ADGRL4: variants seen among roughly 807,000 people sequenced by gnomAD.
ADGRL4 encodes the protein adhesion G protein-coupled receptor L4.
In ADGRL4, 90 loss-of-function variants were observed where a neutral mutation model predicts 74.8. That is an observed-to-expected ratio of 1.20 (90% CI 1.02 to 1.43). The LOEUF (loss-of-function observed/expected upper bound fraction) is 1.43. Among genes scored for constraint, ADGRL4 ranks in the 40% most tolerant of loss-of-function variants. ADGRL4 has a pLI of 0.00. For missense variants in ADGRL4, 881 were observed against 814.3 expected (o/e 1.08, Z -1.00); for synonymous variants, 311 against 279.2 (o/e 1.11, Z -1.14).
intron 3 of ADGRL4, among the ~76,000 whole-genome samples, chr1:78,940,642 A>C (rs1172062039): frequency 6.6e-6 from 1 of 152,176 alleles, no homozygotes; most frequent in Non-Finnish European, 1.5e-5. Context: ...TTGACGTCTT[A>C]AAGATACTTT....
At chr1:78,988,463 A>G (rs1273463131) in intron 2 of ADGRL4, among the ~76,000 whole-genome samples, 1 of 151,908 alleles carries the variant, frequency 6.6e-6, no homozygotes, top group African/African-American at 2.4e-5. Flanking sequence ...GCAATGAGCA[A>G]ATATTAGATC....
At chr1:78,910,431 T>A (rs765063033) in intron 12 of ADGRL4, among the ~76,000 whole-genome samples, 1 of 151,850 alleles carries the variant, frequency 6.6e-6, no homozygotes, top group Non-Finnish European at 1.5e-5. Context: ...CACATAATTA[T>A]GAGAGTTTTG....
intron 2 of ADGRL4, among the ~76,000 whole-genome samples, chr1:78,981,090 T>G (rs2100726171): frequency 6.6e-6 from 1 of 151,962 alleles, no homozygotes; most frequent in East Asian, 1.9e-4. Flanking sequence ...CTCTCAGAAT[T>G]TTTGTGAAAG....
At chr1:78,953,822 C>T (rs1422515371) in intron 2 of ADGRL4, among the ~76,000 whole-genome samples, 1 of 152,182 alleles carries the variant, frequency 6.6e-6, no homozygotes, top group African/African-American at 2.4e-5. Flanking sequence ...TTATGACTCT[C>T]ATAGGATACA....
chr1:78,923,880 G>A (rs1480029370), intron 8 of ADGRL4, among the ~76,000 whole-genome samples: 1 of 151,882 alleles, frequency 6.6e-6, no homozygotes, highest in Non-Finnish European at 1.5e-5. Flanking sequence ...CAGAAAAAGA[G>A]AGCAGAGATA....
At chr1:78,955,468 CTTGT>C (rs1316365257) in intron 2 of ADGRL4, among the ~76,000 whole-genome samples, 1 of 151,926 alleles carries the variant, frequency 6.6e-6, no homozygotes, top group Non-Finnish European at 1.5e-5. Context: ...CTTTTCCTTT[CTTGT>C]TTATGATCTT....
Position 78,985,721 on chromosome 1 carries a change from C to T in ADGRL4, c.172+19349G>A, listed in dbSNP as rs529642072. ...GACATGTGAAAGACATACATGCATGCGTATGTTTATCATAGCACTATTCAC... is the reference window on the plus strand; with the variant it reads ...GACATGTGAAAGACATACATGCATGTGTATGTTTATCATAGCACTATTCAC... On this transcript the variant is annotated intron_variant, in intron 2 of 14. Coordinates refer to ENST00000370742, the MANE Select transcript of ADGRL4 (RefSeq NM_022159.4). Among the ~76,000 whole-genome samples the T allele has an allele frequency of 1.4e-3, 207 of 151,714 alleles. 2 individuals are homozygous for T. The highest frequency in any genetic ancestry group is 4.1e-3 in the African/African-American group (171 of 41,466).
chr1:78,922,940 T>A (rs12063804), intron 8 of ADGRL4, among the ~76,000 whole-genome samples: 9,099 of 152,018 alleles, frequency 0.06, 294 homozygotes, highest in South Asian at 0.097. Context: ...ACTCAGATGA[T>A]TTAAATACAA....
rs1179534950 is a variant in ADGRL4, at chr1:78,990,165, AT to A, written c.172+14904del. Among the ~76,000 whole-genome samples, 5 of 151,924 alleles carry A rather than the reference AT, an allele frequency of 3.3e-5. No individual in the cohort carries two copies. In the South Asian group the frequency reaches 1.0e-3, roughly 32 times the overall value. On this transcript the variant is annotated intron_variant, in intron 2 of 14. Transcript: ENST00000370742. ...AAAACTATTTTGAAATAAGCAAGCC[AT>A]TTTTCCCTTCTATGTTTATTATCTG... is the stretch of plus-strand genomic sequence containing the variant.
At chr1:78,897,660 AC>A (rs968459306) in intron 12 of ADGRL4, among the ~76,000 whole-genome samples, 2 of 152,164 alleles carry the variant, frequency 1.3e-5, no homozygotes, top group Non-Finnish European at 2.9e-5. Context: ...CAGAATAATA[AC>A]TTTTGCCAGA....
chr1:78,974,591 C>T (rs61030213), intron 2 of ADGRL4, among the ~76,000 whole-genome samples: 6,571 of 152,168 alleles, frequency 0.043, 176 homozygotes, highest in African/African-American at 0.07. Flanking sequence ...CAGATTTAGA[C>T]GTTGGAGACC....
intron 8 of ADGRL4, among the ~76,000 whole-genome samples, chr1:78,923,833 A>C (rs1354503903): frequency 5.3e-5 from 8 of 151,870 alleles, no homozygotes; most frequent in African/African-American, 1.4e-4. Flanking sequence ...CAAATATTAG[A>C]AGCTCTGCTG....
At position 78,945,187 on chromosome 1, in the gene ADGRL4, T is replaced by TATATAC. The variant is rs1403842093; in HGVS notation, c.325+1086_325+1087insGTATAT. Among the ~76,000 whole-genome samples the TATATAC allele has an allele frequency of 3.5e-5, 5 of 144,034 alleles. No individual in the cohort carries two copies. The East Asian group carries it at 1.3e-3, about 36-fold the overall frequency. The allele number at this position is 144,034 out of a possible 152,430, so 94.5% of individuals were successfully genotyped here. Reference sequence around the variant, plus strand: ...CTCAAAAAAAAAAAAAATATATATATATATATATATCTCAATAGGGCACTA... The same window carrying TATATAC: ...CTCAAAAAAAAAAAAAATATATATATATATACATATATATATCTCAATAGGGCACTA... On this transcript the variant is annotated intron_variant, in intron 3 of 14. Coordinates refer to ENST00000370742, the MANE Select transcript of ADGRL4 (RefSeq NM_022159.4).
intron 2 of ADGRL4, among the ~76,000 whole-genome samples, chr1:78,988,790 G>A (rs1320634315): frequency 6.6e-6 from 1 of 151,820 alleles, no homozygotes; most frequent in Non-Finnish European, 1.5e-5. Context: ...CACTTGAGAG[G>A]CAGGACACCA....
chr1:78,898,512 T>C, intron 12 of ADGRL4, among the ~76,000 whole-genome samples: 1 of 100,960 alleles, frequency 9.9e-6, no homozygotes, highest in South Asian at 2.7e-4. Flanking sequence ...TTTTGTCTCA[T>C]TTTTTTTTTT....
chr1:78,971,282 T>TTTA (rs1228668702), intron 2 of ADGRL4, among the ~76,000 whole-genome samples: 2 of 152,280 alleles, frequency 1.3e-5, no homozygotes, highest in South Asian at 4.1e-4. Context: ...ACTTCTTTTT[T>TTTA]TTATTATTAT....
Position 78,926,977 on chromosome 1 carries a change from ACT to A in ADGRL4, c.990_991del (p.Arg330SerfsTer19), listed in dbSNP as rs1385292728. ...TGAGACTGAAATTACTGAAGATATGACTCTTTCCTCCTCTTCAGAATTATCAT... is the reference window on the plus strand; with the variant it reads ...TGAGACTGAAATTACTGAAGATATGACTTTCCTCCTCTTCAGAATTATCAT... On this transcript the variant is annotated frameshift_variant, in exon 8 of 15. Coordinates refer to ENST00000370742, the MANE Select transcript of ADGRL4 (RefSeq NM_022159.4). LOFTEE classifies it high-confidence loss of function. 1 of 1,611,552 alleles carries A rather than the reference ACT, an allele frequency of 6.2e-7. No homozygotes were observed. Among genetic ancestry groups the A allele is most frequent in the Non-Finnish European group, 8.5e-7 (1 of 1,178,408 alleles).
At position 78,918,121 on chromosome 1, in the gene ADGRL4, A is replaced by G. The variant is rs139272266; in HGVS notation, c.1462-71T>C. The G allele has an allele frequency of 1.9e-4, 237 of 1,263,726 alleles. 1 individual carries two copies. In the East Asian group the frequency reaches 5.5e-3, roughly 29 times the overall value. 78.3% of individuals were successfully genotyped at this position (1,263,726 alleles called of 1,614,324 possible). A position where few individuals can be genotyped will look rare whatever the true frequency, so the allele number is the denominator to read the frequency against. ...AAAATTATCATAACATACAATCTCT[A>G]CTTTCGCTGTAAATCACAACTTTCT... On this transcript the variant is annotated intron_variant, in intron 10 of 14. Transcript: ENST00000370742.
At chr1:78,954,833 G>A (rs910719663) in intron 2 of ADGRL4, among the ~76,000 whole-genome samples, 6 of 151,980 alleles carry the variant, frequency 3.9e-5, no homozygotes, top group Non-Finnish European at 7.4e-5. Flanking sequence ...CTAGACAAAC[G>A]TGCAATAATA....
Sources: allele counts gnomAD v4.1 joint callset (sites outside exome capture counted in the v4.1 genomes callset), GRCh38; gene constraint gnomAD v4.1.1; transcripts MANE v1.5; gene names NCBI Gene and HGNC (gene_info 2026-07-23, HGNC 2026-07-21).